ALDH4A1: variants seen among roughly 807,000 people sequenced by gnomAD.
The protein encoded by ALDH4A1 is aldehyde dehydrogenase 4 family member A1.
In ALDH4A1, 46 loss-of-function variants were observed where a neutral mutation model predicts 70.5. The observed-to-expected ratio is 0.65, with a 90% CI of 0.51 to 0.83. The LOEUF (loss-of-function observed/expected upper bound fraction) is 0.83. Among genes scored for constraint, ALDH4A1 ranks in the 40% least tolerant of loss-of-function variants. The pLI is 0.00. For synonymous variants in ALDH4A1, 323 were observed against 324.3 expected, an observed-to-expected ratio of 1.00 and a Z score of 0.04; for missense variants, 749 against 766.5, an observed-to-expected ratio of 0.98 and a Z score of 0.27.
intron 1 of ALDH4A1, among the ~76,000 whole-genome samples, chr1:18,893,939 C>T (rs1230306013): frequency 6.6e-6 from 1 of 152,190 alleles, no homozygotes; most frequent in Non-Finnish European, 1.5e-5. Flanking sequence ...CTATGCTCCC[C>T]GGTGGCCATC....
chr1:18,877,135 G>GT, intron 11 of ALDH4A1, 73 bp downstream of exon 11: 1 of 1,550,898 alleles, frequency 6.4e-7, no homozygotes, highest in Non-Finnish European at 8.8e-7. Context: ...AGGGTACCCT[G>GT]TATCTCTTCC....
At chr1:18,881,952 C>G (rs1347504860) in intron 7 of ALDH4A1, 65 bp from the exon 8 acceptor site, 45 of 1,470,342 alleles carry the variant, frequency 3.1e-5, no homozygotes, top group Non-Finnish European at 3.9e-5. Context: ...CCCACCCCAC[C>G]CTACCCTACA....
Position 18,871,497 on chromosome 1 carries a change from A to G in ALDH4A1, c.*1348T>C, listed in dbSNP as rs1337305262. 2 of 152,150 alleles carry G rather than the reference A, an allele frequency of 1.3e-5. No individual in the cohort carries two copies. The highest frequency in any genetic ancestry group is 2.4e-5 in the African/African-American group (1 of 41,368). The allele number at this position is 152,150 out of a possible 1,614,324, so 9.4% of individuals were successfully genotyped here. ...CATTGCCACCTCACAGTGTAGAACC[A>G]GTAGAACTAAGAATACTCCAGCCTG... On this transcript the variant is annotated 3_prime_UTR_variant, in exon 15 of 15. Coordinates refer to ENST00000375341, the MANE Select transcript of ALDH4A1 (RefSeq NM_003748.4).
At chr1:18,895,804 T>A (rs1935597480) in intron 1 of ALDH4A1, among the ~76,000 whole-genome samples, 1 of 152,202 alleles carries the variant, frequency 6.6e-6, no homozygotes, top group African/African-American at 2.4e-5. Flanking sequence ...CACTTCAACC[T>A]GGACTCACGC....
Position 18,876,296 on chromosome 1 carries a change from G to T in ALDH4A1, c.1338+19C>A. 1 of 1,613,080 alleles carries T rather than the reference G, an allele frequency of 6.2e-7. No homozygotes were observed. Reference sequence around the variant, plus strand: ...TGGGATTGTCCTCCTCTGGACCCCAGGCTGCCCACCCCAGTCACCTCCTTC... The same window carrying T: ...TGGGATTGTCCTCCTCTGGACCCCATGCTGCCCACCCCAGTCACCTCCTTC... On this transcript the variant is annotated intron_variant, in intron 12 of 14. Coordinates refer to ENST00000375341, the MANE Select transcript of ALDH4A1 (RefSeq NM_003748.4).
At position 18,889,562 on chromosome 1, in the gene ALDH4A1, G is replaced by C. The variant is rs1436449796; in HGVS notation, c.157-108C>G. On this transcript the variant is annotated intron_variant, in intron 2 of 14. Transcript: ENST00000375341. ...GGAGGTGCCCAGGCAATACAGAAAT[G>C]AGAAGGGGGCCAGGCCAGGTCGGTG... 4.9e-6 allele frequency: 5 copies of C among 1,020,090 alleles called. No individual in the cohort carries two copies. In the East Asian group the frequency reaches 1.1e-4, roughly 21 times the overall value. 63.2% of individuals were successfully genotyped at this position (1,020,090 alleles called of 1,614,324 possible). A position where few individuals can be genotyped will look rare whatever the true frequency, so the allele number is the denominator to read the frequency against.
At chr1:18,877,060 G>A (rs1002140257) in intron 11 of ALDH4A1, 148 bp downstream of exon 11, 1 of 988,496 alleles carries the variant, frequency 1.0e-6, no homozygotes, top group Non-Finnish European at 1.5e-6. Context: ...TCTGAAGCTG[G>A]AGGTGCGTGT....
Position 18,902,506 on chromosome 1 carries a change from GGGCGCC to G in ALDH4A1, c.12_17del (p.Pro6_Ala7del), listed in dbSNP as rs768891033. On this transcript the variant is annotated inframe_deletion, in exon 1 of 15. Transcript: ENST00000375341. ...GGGACAGCAGGGCGCGGCGGAGCGC[GGGCGCC>G]GGCAGCAGCATCTCGGGTTAGAAGC... 496 of 1,480,114 alleles carry G rather than the reference GGGCGCC, an allele frequency of 3.4e-4. No homozygotes were observed. Among genetic ancestry groups the G allele is most frequent in the South Asian group, 1.2e-3 (91 of 77,792 alleles). The allele number at this position is 1,480,114 out of a possible 1,614,324, so 91.7% of individuals were successfully genotyped here. A position where few individuals can be genotyped will look rare whatever the true frequency, so the allele number is the denominator to read the frequency against.
intron 12 of ALDH4A1, 46 bp downstream of exon 12, chr1:18,876,269 G>A (rs373346334): frequency 5.4e-5 from 86 of 1,604,782 alleles, no homozygotes; most frequent in African/African-American, 6.7e-5. Context: ...GCTGTGCTCC[G>A]GTGGGATTGT....
intron 1 of ALDH4A1, among the ~76,000 whole-genome samples, chr1:18,900,521 T>C (rs1355294038): frequency 6.6e-6 from 1 of 152,202 alleles, no homozygotes; most frequent in Non-Finnish European, 1.5e-5. Flanking sequence ...AGGGTTTTTT[T>C]CGTAATTGTC....
At chr1:18,876,680 TAC>T (rs1553153220) in intron 11 of ALDH4A1, among the ~76,000 whole-genome samples, 9 of 151,910 alleles carry the variant, frequency 5.9e-5, no homozygotes, top group South Asian at 2.1e-4. Flanking sequence ...TGTGTGTGTG[TAC>T]ACACACAAGT....
intron 7 of ALDH4A1, 61 bp downstream of exon 7, chr1:18,883,063 C>A (rs758968468): frequency 1.2e-6 from 2 of 1,609,664 alleles, no homozygotes; most frequent in Non-Finnish European, 1.7e-6. Context: ...TGGCCTCTGT[C>A]TGTCTGTTGG....
At chr1:18,876,199 G>T in intron 12 of ALDH4A1, 116 bp downstream of exon 12, 1 of 1,381,662 alleles carries the variant, frequency 7.2e-7, no homozygotes, top group Non-Finnish European at 1.0e-6. Flanking sequence ...CCCTTTTAGG[G>T]TCTCCCTTTA....
At chr1:18,897,064 T>C (rs749167591) in intron 1 of ALDH4A1, 1 of 534,486 alleles carries the variant, frequency 1.9e-6, no homozygotes, top group Non-Finnish European at 3.8e-6. Context: ...GAGGAACGCA[T>C]GACAAGTTGA....
chr1:18,898,822 G>A lies in ALDH4A1; in HGVS notation c.62+3640C>T, dbSNP rs754486252. 5.3e-5 allele frequency among the ~76,000 whole-genome samples: 8 copies of A among 152,248 alleles called. No individual in the cohort carries two copies. Among genetic ancestry groups the A allele is most frequent in the Non-Finnish European group, 2.9e-5 (2 of 68,046 alleles). On this transcript the variant is annotated intron_variant, in intron 1 of 14. Transcript: ENST00000375341. The surrounding 1 kb of genome is among the most constrained non-coding windows in gnomAD (Gnocchi z 4.3). ...GGCCAGATGCAGGGCACAGGAGGCA[G>A]GCTGCTCCCAGGGGTGCCACTGCCA...
intron 5 of ALDH4A1, 161 bp downstream of exon 5, chr1:18,885,312 A>G (rs1303388766): frequency 4.4e-6 from 3 of 683,190 alleles, no homozygotes; most frequent in Non-Finnish European, 7.4e-6. Context: ...ATCTGTGATC[A>G]TCCATCCCAG....
chr1:18,883,437 C>T lies in ALDH4A1; in HGVS notation c.454-9G>A. The T allele has an allele frequency of 6.2e-7, 1 of 1,613,120 alleles. No homozygotes were observed. The highest frequency in any genetic ancestry group is 8.5e-7 in the Non-Finnish European group (1 of 1,180,018). On this transcript the variant is annotated splice_polypyrimidine_tract_variant and intron_variant, in intron 5 of 14. Coordinates refer to ENST00000375341, the MANE Select transcript of ALDH4A1 (RefSeq NM_003748.4). ...TGGATCACGGTCTTACCCTGCAAGG[C>T]AGAGGGCCGGGGGTCAGGAGCAGCC...
chr1:18,883,490 C>A, intron 5 of ALDH4A1, 62 bp from the exon 6 acceptor site: 1 of 1,606,868 alleles, frequency 6.2e-7, no homozygotes, highest in South Asian at 1.1e-5. Flanking sequence ...CCTCTTCTCA[C>A]ATCTGACGCT....
intron 2 of ALDH4A1, 134 bp from the exon 3 acceptor site, chr1:18,889,588 GC>G: frequency 1.3e-6 from 1 of 783,948 alleles, no homozygotes; most frequent in African/African-American, 1.7e-5. Context: ...CAGGTCGGTG[GC>G]CATCAGAGAA....
Sources: gnomAD v4.1 joint callset for allele counts (sites outside exome capture counted in the v4.1 genomes callset) on GRCh38, gnomAD v4.1.1 for gene constraint, Gnocchi (gnomAD v3.1) non-coding constraint, MANE v1.5 for transcripts, NCBI Gene and HGNC (gene_info 2026-07-23, HGNC 2026-07-21) for gene names.